Variants in ANOS1 observed in about 807,000 individuals in gnomAD.
ANOS1 encodes anosmin 1, also known as anosmin-1.
Under a neutral mutation model 59.0 loss-of-function variants are expected in ANOS1, and 6 were observed. That is an observed-to-expected ratio of 0.10 (90% CI 0.06 to 0.20). The LOEUF is 0.20. Among genes scored for constraint, ANOS1 ranks in the 10% least tolerant of loss-of-function variants. The probability of loss-of-function intolerance (pLI) is 1.00; values close to 1 mark genes in which losing one functional copy is unlikely to be tolerated. For synonymous variants in ANOS1, 217 were observed against 223.4 expected (o/e 0.97, Z 0.25); for missense variants, 433 against 542.3 (o/e 0.80, Z 2.00).
At chrX:8,563,712 G>A (rs891297261) in intron 8 of ANOS1, among the ~76,000 whole-genome samples, 4 of 112,298 alleles carry the variant, frequency 3.6e-5, no homozygotes, top group Admixed American at 1.9e-4. Flanking sequence ...ATTCAGCTGA[G>A]TTGCAGTCAA....
intron 8 of ANOS1, among the ~76,000 whole-genome samples, chrX:8,566,664 A>G (rs1172363358): frequency 1.8e-5 from 2 of 111,496 alleles, no homozygotes. Context: ...TATTTCCATG[A>G]GAACTTTTAG....
chrX:8,670,228 A>G (rs1305826489), intron 2 of ANOS1, among the ~76,000 whole-genome samples: 2 of 111,352 alleles, frequency 1.8e-5, no homozygotes, highest in Non-Finnish European at 3.8e-5. Context: ...AGTATCTATC[A>G]GCATAGTGCC....
intron 4 of ANOS1, among the ~76,000 whole-genome samples, chrX:8,594,687 T>TACAC (rs1555895612): frequency 8.5e-4 from 36 of 42,390 alleles, no homozygotes; most frequent in African/African-American, 2.7e-3. Context: ...TATATATATA[T>TACAC]ATATATATAT....
intron 1 of ANOS1, among the ~76,000 whole-genome samples, chrX:8,723,677 T>C (rs1932891250): frequency 8.9e-6 from 1 of 112,199 alleles, no homozygotes; most frequent in Admixed American, 9.5e-5. Context: ...TCCCCTCACC[T>C]CTTTGAAACC....
chrX:8,533,046 A>G lies in ANOS1; in HGVS notation c.1992T>C (p.His664=). 8.8e-7 allele frequency: 1 copy of G among 1,131,698 alleles called. No individual in the cohort carries two copies. Among genetic ancestry groups the G allele is most frequent in the Non-Finnish European group, 1.2e-6 (1 of 822,617 alleles). 93.3% of individuals were successfully genotyped at this position (1,131,698 alleles called of 1,213,427 possible). The change falls in exon 14 of 14, where the codon CAT becomes CAC. Residue 664 remains histidine, a synonymous_variant. Coordinates refer to ENST00000262648, the MANE Select transcript of ANOS1 (RefSeq NM_000216.4). ...ELPPSSAHRS[H]LKHRHPHHYK... ...AATGATGTGGATGACGATGCTTAAG[A>G]TGAGATCCTAAAAAGTGACAAAATA... is the stretch of plus-strand genomic sequence containing the variant.
intron 6 of ANOS1, among the ~76,000 whole-genome samples, chrX:8,581,510 T>G (rs780985106): frequency 2.5e-3 from 276 of 112,017 alleles, no homozygotes; most frequent in African/African-American, 8.4e-3. Context: ...AGATGTTAGT[T>G]CTTGCAGTCT....
chrX:8,604,186 C>T (rs1017535974), intron 3 of ANOS1, among the ~76,000 whole-genome samples: 1 of 111,873 alleles, frequency 8.9e-6, no homozygotes, highest in Non-Finnish European at 1.9e-5. Flanking sequence ...CCCACCATAT[C>T]TCACGGTAAA....
intron 3 of ANOS1, among the ~76,000 whole-genome samples, chrX:8,599,878 C>T (rs750916372): frequency 9.0e-6 from 1 of 111,687 alleles, no homozygotes; most frequent in Non-Finnish European, 1.9e-5. Context: ...CAAACAAAAC[C>T]ACCATTATCA....
rs1318344330 is a variant in ANOS1, at chrX:8,635,448, T to C, written c.256-11778A>G. ...ATGAAGGAAAACTGATGTTGGTGTTTTGCCAAGACAGAGCAGTAAAGGAGG... is the reference window on the plus strand; with the variant it reads ...ATGAAGGAAAACTGATGTTGGTGTTCTGCCAAGACAGAGCAGTAAAGGAGG... On this transcript the variant is annotated intron_variant, in intron 2 of 13. Transcript: ENST00000262648. Among the ~76,000 whole-genome samples the C allele has an allele frequency of 2.7e-5, 3 of 111,771 alleles. No homozygotes were observed. The Admixed American group carries it at 2.9e-4, about 11-fold the overall frequency.
At chrX:8,557,941 T>C (rs1421415490) in intron 8 of ANOS1, among the ~76,000 whole-genome samples, 8 of 111,988 alleles carry the variant, frequency 7.1e-5, no homozygotes, top group Non-Finnish European at 1.3e-4. Context: ...CCATCAATGA[T>C]AGACTGGATA....
At chrX:8,542,261 CAACTT>C (rs909153755) in intron 9 of ANOS1, among the ~76,000 whole-genome samples, 17 of 111,923 alleles carry the variant, frequency 1.5e-4, no homozygotes, top group African/African-American at 5.2e-4. Context: ...TTTCCAAACT[CAACTT>C]TGCTGTAGCT....
chrX:8,638,088 C>A (rs1342145993), intron 2 of ANOS1, among the ~76,000 whole-genome samples: 13 of 111,698 alleles, frequency 1.2e-4, no homozygotes, highest in Non-Finnish European at 3.8e-5. Context: ...TTTAGAGTCA[C>A]TTCTGGAGGC....
rs1929551002 is a variant in ANOS1, at chrX:8,534,302, C to T, written c.1984+17G>A. The T allele has an allele frequency of 1.7e-6, 2 of 1,209,699 alleles. No homozygotes were observed. Among genetic ancestry groups the T allele is most frequent in the African/African-American group, 3.5e-5 (2 of 57,618 alleles). On this transcript the variant is annotated intron_variant, in intron 13 of 13. Transcript: ENST00000262648. ...AAGACCTGACAGGATGGCTTAATGC[C>T]CTGGCACCCCACTCACTGTGTGCTG...
At chrX:8,612,858 A>G (rs1931086516) in intron 3 of ANOS1, among the ~76,000 whole-genome samples, 2 of 97,224 alleles carry the variant, frequency 2.1e-5, no homozygotes, top group South Asian at 1.0e-3. Context: ...AATGGAAATA[A>G]CATATAAAAG....
intron 8 of ANOS1, among the ~76,000 whole-genome samples, chrX:8,566,773 T>C (rs1374236154): frequency 9.0e-6 from 1 of 111,693 alleles, no homozygotes; most frequent in Non-Finnish European, 1.9e-5. Flanking sequence ...GAAATCTCTG[T>C]TTCTGGACCA....
intron 1 of ANOS1, among the ~76,000 whole-genome samples, chrX:8,700,023 T>G (rs1207960721): frequency 8.9e-6 from 1 of 112,081 alleles, no homozygotes; most frequent in African/African-American, 3.2e-5. Context: ...TTTGATGGTG[T>G]GTTGAGCAGT....
At chrX:8,577,833 AGGCC>A (rs1459945989) in intron 6 of ANOS1, among the ~76,000 whole-genome samples, 1 of 111,901 alleles carries the variant, frequency 8.9e-6, no homozygotes, top group East Asian at 2.8e-4. Context: ...GGAGAAATGC[AGGCC>A]TATTATTGCA....
At chrX:8,538,115 G>A (rs1372002395) in intron 10 of ANOS1, among the ~76,000 whole-genome samples, 1 of 111,014 alleles carries the variant, frequency 9.0e-6, no homozygotes, top group Non-Finnish European at 1.9e-5. Context: ...TCTGGACAAC[G>A]CAAGACCAAC....
intron 2 of ANOS1, among the ~76,000 whole-genome samples, chrX:8,674,839 C>A (rs149599075): frequency 0.015 from 1,720 of 111,651 alleles, 30 homozygotes; most frequent in African/African-American, 0.054. Context: ...CCTGACTCAC[C>A]CCTAAAATGT....
Sources: allele counts gnomAD v4.1 joint callset (sites outside exome capture counted in the v4.1 genomes callset), GRCh38; gene constraint gnomAD v4.1.1; transcripts MANE v1.5; gene names NCBI Gene and HGNC (gene_info 2026-07-23, HGNC 2026-07-21).